The following DCUN1D5 variants were observed in gnomAD, a reference collection of about 807,000 sequenced individuals.
The protein encoded by DCUN1D5 is DCN1-like protein 5.
A neutral mutation model predicts 38.3 loss-of-function variants in DCUN1D5; 10 were observed. The observed-to-expected ratio is 0.26, with a 90% CI of 0.16 to 0.44. DCUN1D5 has a LOEUF of 0.44. Among genes scored for constraint, DCUN1D5 ranks in the 20% least tolerant of loss-of-function variants. The probability of loss-of-function intolerance (pLI) is 1.00; values close to 1 mark genes in which losing one functional copy is unlikely to be tolerated. For synonymous variants in DCUN1D5, 93 were observed against 90.9 expected, an observed-to-expected ratio of 1.02 and a Z score of -0.13; for missense variants, 148 against 275.3, an observed-to-expected ratio of 0.54 and a Z score of 3.27.
At chr11:103,079,074 T>A (rs540337039) in intron 4 of DCUN1D5, among the ~76,000 whole-genome samples, 3 of 152,296 alleles carry the variant, frequency 2.0e-5, no homozygotes, top group African/African-American at 7.2e-5. Context: ...CCACCTCCTG[T>A]CAGAACAGCA....
In DCUN1D5 at chr11:103,091,794, T is replaced by C. The variant is rs1303371360; in HGVS notation, c.79A>G (p.Ile27Val). The C allele has an allele frequency of 6.2e-7, 1 of 1,613,692 alleles. No individual in the cohort carries two copies. The highest frequency in any genetic ancestry group is 1.3e-5 in the African/African-American group (1 of 74,920). ...GGTGGGGGGAGATGGTACCTGGAGA[T>C]TTTACACTTTTTGAGGCCTCCGTCT... is the stretch of plus-strand genomic sequence containing the variant. ...AEDGGLKKCK[I>V]SSYCRSQPPA... The change falls in exon 1 of 8, where the codon ATC becomes GTC. Residue 27 changes from isoleucine to valine, a missense_variant. Ile to Val is a conservative substitution (Grantham distance 29). Transcript: ENST00000260247. The surrounding 1 kb of genome is among the most constrained non-coding windows in gnomAD (Gnocchi z 4.3).
intron 4 of DCUN1D5, among the ~76,000 whole-genome samples, chr11:103,080,951 G>T (rs1862546934): frequency 6.6e-6 from 1 of 151,986 alleles, no homozygotes; most frequent in Non-Finnish European, 1.5e-5. Context: ...GGAGGTTGCA[G>T]TGAGCCAAGA....
intron 4 of DCUN1D5, among the ~76,000 whole-genome samples, chr11:103,069,141 T>C (rs1862208808): frequency 6.6e-6 from 1 of 152,176 alleles, no homozygotes; most frequent in Non-Finnish European, 1.5e-5. Flanking sequence ...CTGAACATTA[T>C]ATAGAAAATA....
rs1221518391 is a variant in DCUN1D5 at position 103,054,222 on chromosome 11, TG to T, written c.*8136del. 3 of 152,242 alleles carry T rather than the reference TG, an allele frequency of 2.0e-5. No homozygotes were observed. The East Asian group carries it at 5.8e-4, about 29-fold the overall frequency. The allele number at this position is 152,242 out of a possible 1,614,324, so 9.4% of individuals were successfully genotyped here. A position where few individuals can be genotyped will look rare whatever the true frequency, so the allele number is the denominator to read the frequency against. ...CCCACTCTCTATGGCTGCCAATAAC[TG>T]CTCTTGAGGAATGGGGTTAAAGTCT... On this transcript the variant is annotated 3_prime_UTR_variant, in exon 8 of 8. Coordinates refer to ENST00000260247, the MANE Select transcript of DCUN1D5 (RefSeq NM_032299.4).
rs2134602749 is a variant in DCUN1D5 at position 103,064,824 on chromosome 11, C to A, written c.556-447G>T. Among the ~76,000 whole-genome samples the A allele has an allele frequency of 6.6e-6, 1 of 152,266 alleles. No individual in the cohort carries two copies. The highest frequency in any genetic ancestry group is 2.1e-4 in the South Asian group (1 of 4,820). On this transcript the variant is annotated intron_variant, in intron 6 of 7. Coordinates refer to ENST00000260247, the MANE Select transcript of DCUN1D5 (RefSeq NM_032299.4). This position sits in a 1 kb window ranked among gnomAD's most constrained non-coding sequence, Gnocchi z 4.5. ...GGCTTCGATTTAAATCCCACCCTTG[C>A]CACTTAATTGAGTGATTTTGGGAAA...
At position 103,073,996 on chromosome 11, in the gene DCUN1D5, G is replaced by A. The variant is rs1862343073; in HGVS notation, c.342-7429C>T. 6.6e-6 allele frequency among the ~76,000 whole-genome samples: 1 copy of A among 152,078 alleles called. No individual in the cohort carries two copies. The highest frequency in any genetic ancestry group is 1.5e-5 in the Non-Finnish European group (1 of 68,020). On this transcript the variant is annotated intron_variant, in intron 4 of 7. Coordinates refer to ENST00000260247, the MANE Select transcript of DCUN1D5 (RefSeq NM_032299.4). This position sits in a 1 kb window ranked among gnomAD's most constrained non-coding sequence, Gnocchi z 4.2. ...GATGTGGGAGGATCGCTTGAACCCA[G>A]GAGGTGAAGGTTGAAGTCAGCCAAG...
chr11:103,062,363 G>C lies in DCUN1D5; in HGVS notation c.710C>G (p.Ser237Ter). 6.2e-7 allele frequency: 1 copy of C among 1,613,444 alleles called. No individual in the cohort carries two copies. Residue 237 changes from serine to a stop codon, truncating the protein, a stop_gained, in exon 8 of 8, where the codon TCA (serine) becomes TGA (stop). Coordinates refer to ENST00000260247, the MANE Select transcript of DCUN1D5 (RefSeq NM_032299.4). LOFTEE classifies it high-confidence loss of function. This position sits in a 1 kb window ranked among gnomAD's most constrained non-coding sequence, Gnocchi z 4.6. ...ATTTTCTTCACATAGTTCTTGCTAT[G>C]ATGTCTGACGGACTTTTTGCCACTC... ...FVEWQKVRQT[S>*]
rs1861927165 is a variant in DCUN1D5, at chr11:103,058,308, C to T, written c.*4051G>A. ...GTCAGGAAAAGGAGCAAAGGAAACA[C>T]TATCTGTACTAATAGAATGTAAAAG... On this transcript the variant is annotated 3_prime_UTR_variant, in exon 8 of 8. Coordinates refer to ENST00000260247, the MANE Select transcript of DCUN1D5 (RefSeq NM_032299.4). 6.6e-6 allele frequency among the ~76,000 whole-genome samples: 1 copy of T among 152,160 alleles called. No homozygotes were observed. Among genetic ancestry groups the T allele is most frequent in the Non-Finnish European group, 1.5e-5 (1 of 68,028 alleles).
rs555161726 is a variant in DCUN1D5 at position 103,079,067 on chromosome 11, C to A, written c.341+3681G>T. On this transcript the variant is annotated intron_variant, in intron 4 of 7. Transcript: ENST00000260247. ...GCAGGCGAGTGAGCCAGCATATCCA[C>A]CTCCTGTCAGAACAGCAGCGGCATT... Among the ~76,000 whole-genome samples, 4 of 152,352 alleles carry A rather than the reference C, an allele frequency of 2.6e-5. No individual in the cohort carries two copies. In the South Asian group the frequency reaches 8.3e-4, roughly 32 times the overall value.
At chr11:103,082,164 T>G (rs902492889) in intron 4 of DCUN1D5, among the ~76,000 whole-genome samples, 1 of 152,096 alleles carries the variant, frequency 6.6e-6, no homozygotes, top group Non-Finnish European at 1.5e-5. Context: ...AAGATGCAAT[T>G]CTATAACTTA....
rs1861756087 is a variant in DCUN1D5, at chr11:103,052,150, C to G, written c.*10209G>C. 6.6e-6 allele frequency: 1 copy of G among 152,150 alleles called. No homozygotes were observed. Among genetic ancestry groups the G allele is most frequent in the East Asian group, 1.9e-4 (1 of 5,186 alleles). The allele number at this position is 152,150 out of a possible 1,614,324, so 9.4% of individuals were successfully genotyped here. ...ACTTAAACGTAAGTTTTATTCAGTT[C>G]TGCAAATGCTTTTGACAACCTACCA... On this transcript the variant is annotated 3_prime_UTR_variant, in exon 8 of 8. Transcript: ENST00000260247.
At position 103,066,437 on chromosome 11, in the gene DCUN1D5, A is replaced by C; in HGVS notation, c.450+22T>G. On this transcript the variant is annotated intron_variant, in intron 5 of 7. Coordinates refer to ENST00000260247, the MANE Select transcript of DCUN1D5 (RefSeq NM_032299.4). The surrounding 1 kb of genome is among the most constrained non-coding windows in gnomAD (Gnocchi z 4.7). Reference sequence around the variant, plus strand: ...CAAGATGAAAAGCTATTAAAACAACAAAACAAGAAAATTGCACCTACCCTT... The same window carrying C: ...CAAGATGAAAAGCTATTAAAACAACCAAACAAGAAAATTGCACCTACCCTT... The C allele has an allele frequency of 6.3e-7, 1 of 1,594,762 alleles. No homozygotes were observed. The highest frequency in any genetic ancestry group is 1.3e-5 in the African/African-American group (1 of 74,266).
At chr11:103,084,274 A>G (rs1862642334) in intron 2 of DCUN1D5, among the ~76,000 whole-genome samples, 1 of 152,174 alleles carries the variant, frequency 6.6e-6, no homozygotes, top group Admixed American at 6.5e-5. Flanking sequence ...TCCTTTTTCA[A>G]GGATGAAAAT....
chr11:103,077,439 C>T lies in DCUN1D5; in HGVS notation c.341+5309G>A, dbSNP rs777428431. Among the ~76,000 whole-genome samples the T allele has an allele frequency of 2.0e-4, 31 of 152,098 alleles. No individual in the cohort carries two copies. The highest frequency in any genetic ancestry group is 2.8e-4 in the Non-Finnish European group (19 of 68,006). On this transcript the variant is annotated intron_variant, in intron 4 of 7. Coordinates refer to ENST00000260247, the MANE Select transcript of DCUN1D5 (RefSeq NM_032299.4). This position sits in a 1 kb window ranked among gnomAD's most constrained non-coding sequence, Gnocchi z 4.3. ...TACTTAACTAGCGTACTATGGAAAG[C>T]AAGAGATAGTTTTCCAAATAACAAC...
chr11:103,089,867 C>T (rs1333338816), intron 1 of DCUN1D5, among the ~76,000 whole-genome samples: 1 of 151,938 alleles, frequency 6.6e-6, no homozygotes, highest in Non-Finnish European at 1.5e-5. Context: ...AACAAAAAAA[C>T]ACTAAAAGTT....
rs1275021374 is a variant in DCUN1D5 at position 103,051,229 on chromosome 11, C to T, written c.*11130G>A. On this transcript the variant is annotated 3_prime_UTR_variant, in exon 8 of 8. Transcript: ENST00000260247. Reference sequence around the variant, plus strand: ...TACCATCTTATGACCAAATTTAAAACAAATTACTGGTTAAGGAAAAAAATG... The same window carrying T: ...TACCATCTTATGACCAAATTTAAAATAAATTACTGGTTAAGGAAAAAAATG... The T allele has an allele frequency of 6.6e-6, 1 of 152,044 alleles. No individual in the cohort carries two copies. Among genetic ancestry groups the T allele is most frequent in the Admixed American group, 6.6e-5 (1 of 15,264 alleles). The allele number at this position is 152,044 out of a possible 1,614,324, so 9.4% of individuals were successfully genotyped here.
rs1429613858 is a variant in DCUN1D5 at position 103,061,092 on chromosome 11, A to G, written c.*1267T>C. 6.6e-6 allele frequency among the ~76,000 whole-genome samples: 1 copy of G among 152,168 alleles called. No homozygotes were observed. The highest frequency in any genetic ancestry group is 1.5e-5 in the Non-Finnish European group (1 of 68,010). On this transcript the variant is annotated 3_prime_UTR_variant, in exon 8 of 8. Transcript: ENST00000260247. ...GATTAACTAAAAAGCAAACAATAAA[A>G]CACTTTAAAATGTCATTCTCTTAGG...
chr11:103,074,883 G>T (rs1232188623), intron 4 of DCUN1D5, among the ~76,000 whole-genome samples: 4 of 152,164 alleles, frequency 2.6e-5, no homozygotes, highest in Non-Finnish European at 4.4e-5. Flanking sequence ...TCAATGTTTA[G>T]TGATTTCTGA....
In DCUN1D5 at chr11:103,058,302, G is replaced by A. The variant is rs779879296; in HGVS notation, c.*4057C>T. 1.3e-5 allele frequency among the ~76,000 whole-genome samples: 2 copies of A among 152,162 alleles called. No individual in the cohort carries two copies. The highest frequency in any genetic ancestry group is 1.5e-5 in the Non-Finnish European group (1 of 68,018). ...CAACTGGTCAGGAAAAGGAGCAAAG[G>A]AAACACTATCTGTACTAATAGAATG... is the stretch of plus-strand genomic sequence containing the variant. On this transcript the variant is annotated 3_prime_UTR_variant, in exon 8 of 8. Coordinates refer to ENST00000260247, the MANE Select transcript of DCUN1D5 (RefSeq NM_032299.4).
Sources: allele counts gnomAD v4.1 joint callset (sites outside exome capture counted in the v4.1 genomes callset), GRCh38; gene constraint gnomAD v4.1.1; non-coding constraint Gnocchi (gnomAD v3.1); transcripts MANE v1.5; gene names NCBI Gene and HGNC (gene_info 2026-07-23, HGNC 2026-07-21).